The following ATM variants were observed in gnomAD, a reference collection of about 807,000 sequenced individuals.
ATM encodes ATM serine/threonine kinase.
In ATM, 308 loss-of-function variants were observed where a neutral mutation model predicts 387.0. That is an observed-to-expected ratio of 0.80 (90% CI 0.73 to 0.87). The LOEUF (loss-of-function observed/expected upper bound fraction) is 0.87, where lower values mean the gene tolerates loss of function less well. Among genes scored for constraint, ATM ranks in the 40% least tolerant of loss-of-function variants. The pLI, the probability that ATM is intolerant of heterozygous loss-of-function variation, is 0.00. For missense variants in ATM, 3,312 were observed against 3,560.9 expected (o/e 0.93, Z 1.78); for synonymous variants, 1,156 against 1,187.3 (o/e 0.97, Z 0.54).
At chr11:108,260,730 G>A (rs868280206) in intron 16 of ATM, among the ~76,000 whole-genome samples, 10 of 152,046 alleles carry the variant, frequency 6.6e-5, no homozygotes, top group African/African-American at 1.5e-4. Context: ...CTGAGGTACC[G>A]GGTTCATCTC....
intron 45 of ATM, 81 bp from the exon 46 acceptor site, chr11:108,325,229 T>TA: frequency 2.1e-6 from 2 of 962,624 alleles, no homozygotes; most frequent in Non-Finnish European, 3.1e-6. Context: ...TATTATATCG[T>TA]AAGTTCCAGA....
chr11:108,246,105 T>C (rs562601328), intron 7 of ATM, among the ~76,000 whole-genome samples: 18 of 152,272 alleles, frequency 1.2e-4, no homozygotes, highest in Admixed American at 3.3e-4. Flanking sequence ...ATTACAGGCA[T>C]GAGCCACTGT....
At position 108,316,079 on chromosome 11, in the gene ATM, TC is replaced by T; in HGVS notation, c.6168del (p.Ser2057HisfsTer25). 6.2e-7 allele frequency: 1 copy of T among 1,614,100 alleles called. No individual in the cohort carries two copies. Among genetic ancestry groups the T allele is most frequent in the Non-Finnish European group, 8.5e-7 (1 of 1,180,002 alleles). On this transcript the variant is annotated frameshift_variant, in exon 42 of 63. Coordinates refer to ENST00000675843, the MANE Select transcript of ATM (RefSeq NM_000051.4). LOFTEE classifies it high-confidence loss of function. ...GTAACATATGACCTCGAAACAGCAA[TC>T]CCCTCATCAACACGCCAGGCAGGAA... is the stretch of plus-strand genomic sequence containing the variant. The part of the protein sequence containing the change: ...ALVTYDLETA[I>X]PSSTRQAGII...
At chr11:108,261,826 C>T (rs182429563) in intron 16 of ATM, among the ~76,000 whole-genome samples, 21 of 152,168 alleles carry the variant, frequency 1.4e-4, no homozygotes, top group Non-Finnish European at 2.1e-4. Flanking sequence ...TAGAGAACTA[C>T]GTGAAGAATG....
At position 108,308,002 on chromosome 11, in the gene ATM, G is replaced by A. The variant is rs2135978672; in HGVS notation, c.5762+18G>A. 6.3e-7 allele frequency: 1 copy of A among 1,587,828 alleles called. No homozygotes were observed. Among genetic ancestry groups the A allele is most frequent in the East Asian group, 2.2e-5 (1 of 44,650 alleles). On this transcript the variant is annotated intron_variant, in intron 38 of 62. Transcript: ENST00000675843. ...CAAAAGAGGTAATGTAATGAGTGTT[G>A]CTTCTTACGTTTAGGATCTAGAGTG...
chr11:108,259,150 A>G, intron 16 of ATM, 75 bp downstream of exon 16: 2 of 1,193,368 alleles, frequency 1.7e-6, no homozygotes, highest in Non-Finnish European at 2.4e-6. Context: ...TATCTTTGTA[A>G]ATAAGGATGC....
intron 45 of ATM, among the ~76,000 whole-genome samples, chr11:108,324,065 A>G (rs200914406): frequency 7.3e-6 from 1 of 136,986 alleles, no homozygotes; most frequent in African/African-American, 2.7e-5. Flanking sequence ...TGAAAAAAAA[A>G]TTTTAAAGAA....
In ATM at chr11:108,334,947, A is replaced by G. The variant is rs746727859; in HGVS notation, c.8011-22A>G. ...AAATAGTGTATCTGACCTATTATCA[A>G]TCATGTTTATACTTTTATTAGGTGG... On this transcript the variant is annotated intron_variant, in intron 54 of 62. Coordinates refer to ENST00000675843, the MANE Select transcript of ATM (RefSeq NM_000051.4). The G allele has an allele frequency of 2.0e-5, 32 of 1,605,840 alleles. No homozygotes were observed. In the East Asian group the frequency reaches 2.0e-4, roughly 10 times the overall value.
Position 108,301,726 on chromosome 11 carries a change from T to A in ATM, c.5256T>A (p.Ile1752=), listed in dbSNP as rs1555105718. Reference sequence around the variant, plus strand: ...AGACTGGACATAGTTTCTGGGAGATTTATAAGATGACAACAGATCCAATGC... The same window carrying A: ...AGACTGGACATAGTTTCTGGGAGATATATAAGATGACAACAGATCCAATGC... ...ATKTGHSFWE[I]YKMTTDPMLA... The change falls in exon 35 of 63, where the codon ATT becomes ATA. Residue 1752 remains isoleucine, a synonymous_variant. Coordinates refer to ENST00000675843, the MANE Select transcript of ATM (RefSeq NM_000051.4). 1.9e-6 allele frequency: 3 copies of A among 1,613,728 alleles called. No homozygotes were observed. The highest frequency in any genetic ancestry group is 1.7e-6 in the Non-Finnish European group (2 of 1,179,784).
intron 4 of ATM, among the ~76,000 whole-genome samples, chr11:108,233,926 T>A (rs2079142558): frequency 6.6e-6 from 1 of 152,166 alleles, no homozygotes; most frequent in African/African-American, 2.4e-5. Context: ...GGGAGATATA[T>A]TGGGATAAAG....
rs376165779 is a variant in ATM at position 108,289,744 on chromosome 11, C to G, written c.4379C>G (p.Ala1460Gly). The G allele has an allele frequency of 4.3e-6, 7 of 1,613,696 alleles. No individual in the cohort carries two copies. Among genetic ancestry groups the G allele is most frequent in the Non-Finnish European group, 5.9e-6 (7 of 1,179,962 alleles). Residue 1460 changes from alanine to glycine, a missense_variant, in exon 29 of 63, where the codon GCT becomes GGT. Physicochemically the swap from Ala to Gly is moderately conservative, Grantham distance 60 (BLOSUM62 0). This residue lies in a region of ATM where 1,791 missense variants were observed against 1,804.5 expected (regional missense o/e 0.99). Transcript: ENST00000675843. Reference sequence around the variant, plus strand: ...GATATAAAAAGTGGCTTAGGAGGAGCTTGGGCCTTTGTTCTTCGAGACGTT... The same window carrying G: ...GATATAAAAAGTGGCTTAGGAGGAGGTTGGGCCTTTGTTCTTCGAGACGTT... ...LKDIKSGLGGAWAFVLRDVIY... is the reference protein window; with the variant it reads ...LKDIKSGLGGGWAFVLRDVIY...
rs11212591 is a variant in ATM, at chr11:108,346,091, T to C, written c.8584+183T>C. 5.6e-3 allele frequency among the ~76,000 whole-genome samples: 855 copies of C among 152,312 alleles called. 29 individuals are homozygous for C. In the East Asian group the frequency reaches 0.1, roughly 18 times the overall value. On this transcript the variant is annotated intron_variant, in intron 58 of 62. Coordinates refer to ENST00000675843, the MANE Select transcript of ATM (RefSeq NM_000051.4). ...CTTGTTCATCCTGATTCTTAGTGTC[T>C]ACCTTTTTATAACTTATGCAGAAGA...
rs562291599 is a variant in ATM at position 108,260,729 on chromosome 11, C to A, written c.2466+1654C>A. ...ATTTCTGCATTTCCATCTGAGGTAC[C>A]GGGTTCATCTCACTAGGGAGTGCCA... On this transcript the variant is annotated intron_variant, in intron 16 of 62. Coordinates refer to ENST00000675843, the MANE Select transcript of ATM (RefSeq NM_000051.4). Among the ~76,000 whole-genome samples the A allele has an allele frequency of 3.9e-5, 6 of 152,282 alleles. No homozygotes were observed. In the East Asian group the frequency reaches 1.2e-3, roughly 29 times the overall value.
intron 61 of ATM, among the ~76,000 whole-genome samples, chr11:108,356,572 T>C (rs1221136935): frequency 6.6e-6 from 1 of 151,514 alleles, no homozygotes; most frequent in Non-Finnish European, 1.5e-5. Context: ...CCCAAACTTT[T>C]CAAATTAAAG....
intron 39 of ATM, among the ~76,000 whole-genome samples, chr11:108,312,202 T>A (rs190413547): frequency 2.7e-3 from 406 of 152,338 alleles, no homozygotes; most frequent in South Asian, 7.0e-3. Flanking sequence ...AGGCTTCCCA[T>A]ATGTAGATTA....
In ATM at chr11:108,335,838, T is replaced by C. The variant is rs2086778829; in HGVS notation, c.8152-7T>C. 1 of 1,608,290 alleles carries C rather than the reference T, an allele frequency of 6.2e-7. No homozygotes were observed. The highest frequency in any genetic ancestry group is 1.3e-5 in the African/African-American group (1 of 74,896). ...TACTTGTTTATTCATGCTTAATTATTCTGAAGGGCCGTGATGACCTGAGAC... is the reference window on the plus strand; with the variant it reads ...TACTTGTTTATTCATGCTTAATTATCCTGAAGGGCCGTGATGACCTGAGAC... On this transcript the variant is annotated splice_region_variant and splice_polypyrimidine_tract_variant and intron_variant, in intron 55 of 62. Transcript: ENST00000675843.
chr11:108,303,054 T>C (rs1037678986), intron 36 of ATM, 25 bp downstream of exon 36: 1 of 1,588,878 alleles, frequency 6.3e-7, no homozygotes, highest in Non-Finnish European at 8.6e-7. Context: ...TAGTCTGATA[T>C]AATTCCTTGT....
chr11:108,334,924 A>G, intron 54 of ATM, 45 bp from the exon 55 acceptor site: 1 of 1,578,958 alleles, frequency 6.3e-7, no homozygotes, highest in Non-Finnish European at 8.7e-7. Context: ...TTAAGTGCAA[A>G]TAGTGTATCT....
intron 8 of ATM, among the ~76,000 whole-genome samples, chr11:108,247,734 T>C (rs4987932): frequency 0.014 from 2,167 of 152,238 alleles, 61 homozygotes; most frequent in African/African-American, 0.049. Context: ...TAGCTGGGAC[T>C]ACAGGTGCCT....
Sources: gnomAD v4.1 joint callset for allele counts (sites outside exome capture counted in the v4.1 genomes callset) on GRCh38, gnomAD v4.1.1 for gene constraint, gnomAD v4.1.1 regional missense constraint, MANE v1.5 for transcripts, NCBI Gene and HGNC (gene_info 2026-07-23, HGNC 2026-07-21) for gene names.